The following FILIP1L variants were observed in gnomAD, a reference collection of about 807,000 sequenced individuals.
FILIP1L encodes filamin A interacting protein 1 like.
FILIP1L carries 55 observed loss-of-function variants against 96.6 expected under a neutral mutation model. The observed-to-expected ratio is 0.57, with a 90% CI of 0.46 to 0.71. The LOEUF (loss-of-function observed/expected upper bound fraction) is 0.71. Ranked by LOEUF, FILIP1L falls within the 30% of genes least tolerant of loss-of-function variation. FILIP1L has a pLI of 0.00. For synonymous variants in FILIP1L, 467 were observed against 473.9 expected (o/e 0.99, Z 0.19); for missense variants, 1,304 against 1,321.2 (o/e 0.99, Z 0.20).
At chr3:99,864,112 G>A (rs1358628288) in intron 4 of FILIP1L, among the ~76,000 whole-genome samples, 1 of 152,166 alleles carries the variant, frequency 6.6e-6, no homozygotes, top group Non-Finnish European at 1.5e-5. Flanking sequence ...TTGCTGTTTT[G>A]AAATTATTAA....
In FILIP1L at chr3:100,062,819, C is replaced by G. The variant is rs147750612; in HGVS notation, c.-11+51234G>C. On this transcript the variant is annotated intron_variant, in intron 1 of 5. Transcript: ENST00000477258. ...ACCTGTCTGGCCCAAGCCTCCTCCC[C>G]TCCAGCCTGGATTACTGTGATGACT... Among the ~76,000 whole-genome samples, 1,103 of 152,344 alleles carry G rather than the reference C, an allele frequency of 7.2e-3. 19 individuals are homozygous for G. Among genetic ancestry groups the G allele is most frequent in the African/African-American group, 0.024 (1,016 of 41,564 alleles).
At chr3:99,866,739 C>G (rs1944540973) in intron 4 of FILIP1L, among the ~76,000 whole-genome samples, 1 of 152,154 alleles carries the variant, frequency 6.6e-6, no homozygotes, top group South Asian at 2.1e-4. Flanking sequence ...CTTCCTAGTT[C>G]CTGAGGATGA....
At chr3:100,010,778 A>ATTTTTTTTTT (rs11371196) in intron 1 of FILIP1L, among the ~76,000 whole-genome samples, 3,318 of 91,730 alleles carry the variant, frequency 0.036, 1 homozygote, top group Non-Finnish European at 0.04. Context: ...CCACGCCCGG[A>ATTTTTTTTTT]TTTTTTTTTT....
At chr3:100,105,073 A>G (rs1407746712) in intron 1 of FILIP1L, among the ~76,000 whole-genome samples, 4 of 152,148 alleles carry the variant, frequency 2.6e-5, no homozygotes, top group Non-Finnish European at 4.4e-5. Flanking sequence ...AGGTGTAGCT[A>G]TTGTTCTCTT....
At chr3:99,930,416 C>T (rs1223715745) in intron 2 of FILIP1L, among the ~76,000 whole-genome samples, 1 of 152,122 alleles carries the variant, frequency 6.6e-6, no homozygotes, top group Non-Finnish European at 1.5e-5. Flanking sequence ...GTCTAGGAGC[C>T]AGTTCACTTG....
chr3:99,900,224 A>G (rs1380741791), intron 4 of FILIP1L, among the ~76,000 whole-genome samples: 4 of 152,038 alleles, frequency 2.6e-5, no homozygotes, highest in Non-Finnish European at 5.9e-5. Context: ...AAACCACTCA[A>G]CCTCCTTGAG....
At chr3:99,920,281 T>C (rs181226177) in intron 4 of FILIP1L, among the ~76,000 whole-genome samples, 333 of 152,284 alleles carry the variant, frequency 2.2e-3, no homozygotes, top group Non-Finnish European at 1.9e-3. Flanking sequence ...TCAGAGCCTT[T>C]TGCCCCATTG....
intron 1 of FILIP1L, among the ~76,000 whole-genome samples, chr3:99,976,639 CT>C (rs1435000097): frequency 2.0e-5 from 3 of 151,934 alleles, no homozygotes; most frequent in African/African-American, 4.8e-5. Flanking sequence ...GCATATGCAT[CT>C]TTTTTTTAAA....
chr3:99,868,678 AT>A (rs1257342709), intron 4 of FILIP1L, among the ~76,000 whole-genome samples: 2 of 152,108 alleles, frequency 1.3e-5, no homozygotes, highest in African/African-American at 4.8e-5. Flanking sequence ...CACAAGCCTT[AT>A]TTGTCTTTTA....
At chr3:100,059,840 A>G (rs2065529576) in intron 1 of FILIP1L, among the ~76,000 whole-genome samples, 1 of 152,196 alleles carries the variant, frequency 6.6e-6, no homozygotes, top group South Asian at 2.1e-4. Context: ...AAACTCTGGC[A>G]ACTAATTCAT....
chr3:99,840,288 A>T lies in FILIP1L; in HGVS notation c.3381+8007T>A, dbSNP rs187365032. On this transcript the variant is annotated intron_variant, in intron 5 of 5. Coordinates refer to ENST00000477258, the MANE Select transcript of FILIP1L (RefSeq NM_001387850.1). ...GCCCAGGCTGGAGTGCAGTGGCGTGATCTCAGATCACTGCAACCTCTGCCT... is the reference window on the plus strand; with the variant it reads ...GCCCAGGCTGGAGTGCAGTGGCGTGTTCTCAGATCACTGCAACCTCTGCCT... Among the ~76,000 whole-genome samples, 67 of 126,088 alleles carry T rather than the reference A, an allele frequency of 5.3e-4. 1 individual carries two copies. The highest frequency in any genetic ancestry group is 2.0e-3 in the African/African-American group (64 of 31,802). The allele number at this position is 126,088 out of a possible 152,430, so 82.7% of individuals were successfully genotyped here.
intron 1 of FILIP1L, chr3:100,040,889 GA>G (rs940419002): frequency 1.3e-5 from 2 of 151,960 alleles, no homozygotes; most frequent in Non-Finnish European, 2.9e-5. Context: ...TTATGCATTT[GA>G]AAAAATGGTT....
Position 99,909,830 on chromosome 3 carries a change from T to C in FILIP1L, c.605+14400A>G, listed in dbSNP as rs191754961. 7.9e-5 allele frequency among the ~76,000 whole-genome samples: 12 copies of C among 152,330 alleles called. No individual in the cohort carries two copies. In the East Asian group the frequency reaches 2.3e-3, roughly 29 times the overall value. On this transcript the variant is annotated intron_variant, in intron 4 of 5. Transcript: ENST00000477258. The stretch of plus-strand genomic sequence containing the variant: ...CTGCCTATTGAATTCTGAAATTGCA[T>C]GGAGAGTAGGTGATGAAAGTCACAG...
rs143577290 is a variant in FILIP1L at position 99,898,617 on chromosome 3, C to T, written c.605+25613G>A. The T allele has an allele frequency of 9.5e-3, 1,825 of 192,322 alleles. 19 individuals are homozygous for T. The highest frequency in any genetic ancestry group is 0.026 in the African/African-American group (1,082 of 42,122). 11.9% of individuals were successfully genotyped at this position (192,322 alleles called of 1,614,324 possible). ...CTCTGTCTCTACAAAAATACAAAAA[C>T]TAGCTGGGCATGATGGCGGGTGCCT... is the stretch of plus-strand genomic sequence containing the variant. On this transcript the variant is annotated intron_variant, in intron 4 of 5. Coordinates refer to ENST00000477258, the MANE Select transcript of FILIP1L (RefSeq NM_001387850.1).
At chr3:99,953,122 C>T (rs1298759975) in intron 1 of FILIP1L, among the ~76,000 whole-genome samples, 4 of 152,098 alleles carry the variant, frequency 2.6e-5, no homozygotes, top group Non-Finnish European at 5.9e-5. Context: ...ACTTAAAGGT[C>T]AATGCTATGT....
intron 1 of FILIP1L, among the ~76,000 whole-genome samples, chr3:99,942,085 T>C (rs1707867367): frequency 1.3e-5 from 2 of 151,856 alleles, no homozygotes; most frequent in Admixed American, 1.3e-4. Context: ...GGCATGGTGG[T>C]GGGCGCCTGT....
intron 1 of FILIP1L, among the ~76,000 whole-genome samples, chr3:99,943,652 C>G (rs1362887928): frequency 6.6e-6 from 1 of 151,788 alleles, no homozygotes; most frequent in Admixed American, 6.6e-5. Context: ...TGCAGTGATC[C>G]GAGATCACGC....
Position 99,850,397 on chromosome 3 carries a change from G to A in FILIP1L, c.1279C>T (p.Leu427=). The change falls in exon 5 of 6, where the codon CTG becomes TTG. Residue 427 remains leucine, a synonymous_variant. Coordinates refer to ENST00000477258, the MANE Select transcript of FILIP1L (RefSeq NM_001387850.1). ...VEKLSKRIMA[L]EKLEDAFNKS... ...TTGAAAGCGTCTTCTAACTTTTCCA[G>A]AGCCATAATTCTTTTACTGAGTTTT... 2 of 1,613,494 alleles carry A rather than the reference G, an allele frequency of 1.2e-6. No individual in the cohort carries two copies. Among genetic ancestry groups the A allele is most frequent in the Non-Finnish European group, 1.7e-6 (2 of 1,179,882 alleles).
Position 99,849,511 on chromosome 3 carries a change from A to G in FILIP1L, c.2165T>C (p.Leu722Ser). The G allele has an allele frequency of 2.5e-6, 4 of 1,613,180 alleles. No individual in the cohort carries two copies. Among genetic ancestry groups the G allele is most frequent in the Non-Finnish European group, 3.4e-6 (4 of 1,179,832 alleles). ...SGHLSREVDA[L>S]KEKIHEYMAT... Reference sequence around the variant, plus strand: ...CATGTATTCATGAATTTTCTCTTTTAATGCATCCACTTCTCTTGAGAGGTG... The same window carrying G: ...CATGTATTCATGAATTTTCTCTTTTGATGCATCCACTTCTCTTGAGAGGTG... The change falls in exon 5 of 6, where the codon TTA becomes TCA. Residue 722 changes from leucine (L) to serine (S), a missense_variant. Physicochemically the swap from Leu to Ser is moderately radical, Grantham distance 145. Coordinates refer to ENST00000477258, the MANE Select transcript of FILIP1L (RefSeq NM_001387850.1).
Sources: gnomAD v4.1 joint callset for allele counts (sites outside exome capture counted in the v4.1 genomes callset) on GRCh38, gnomAD v4.1.1 for gene constraint, MANE v1.5 for transcripts, NCBI Gene and HGNC (gene_info 2026-07-23, HGNC 2026-07-21) for gene names.